The following LEPROTL1 variants were observed in gnomAD, a reference collection of about 807,000 sequenced individuals.
The protein encoded by LEPROTL1 is leptin receptor overlapping transcript like 1.
A neutral mutation model predicts 15.4 loss-of-function variants in LEPROTL1; 6 were observed. The observed-to-expected ratio is 0.39, with a 90% confidence interval of 0.21 to 0.77. LEPROTL1 has a LOEUF of 0.77. Ranked by LOEUF, LEPROTL1 falls within the 30% of genes least tolerant of loss-of-function variation. The pLI is 0.41. For synonymous variants in LEPROTL1, 56 were observed against 52.6 expected (o/e 1.06, Z -0.28); for missense variants, 128 against 158.1 (o/e 0.81, Z 1.02).
At chr8:30,130,617 C>T (rs983617685) in intron 3 of LEPROTL1, among the ~76,000 whole-genome samples, 1 of 152,040 alleles carries the variant, frequency 6.6e-6, no homozygotes, top group Non-Finnish European at 1.5e-5. Context: ...ATAGTGTTTA[C>T]TTCCTGTTAT....
chr8:30,106,348 T>C lies in LEPROTL1; in HGVS notation c.*486T>C, dbSNP rs1288615737. The C allele has an allele frequency of 2.5e-5, 25 of 986,460 alleles. No individual in the cohort carries two copies. Among genetic ancestry groups the C allele is most frequent in the Non-Finnish European group, 3.0e-5 (25 of 830,408 alleles). 61.1% of individuals were successfully genotyped at this position (986,460 alleles called of 1,614,324 possible). A position where few individuals can be genotyped will look rare whatever the true frequency, so the allele number is the denominator to read the frequency against. ...CAGGATGACATCACTCCCAATGTTATGCAGACATACAGACGGTTGGCATAC... is the reference window on the plus strand; with the variant it reads ...CAGGATGACATCACTCCCAATGTTACGCAGACATACAGACGGTTGGCATAC... On this transcript the variant is annotated 3_prime_UTR_variant, in exon 4 of 4. Transcript: ENST00000321250.
At chr8:30,113,851 CAAATT>C (rs1802692122) in intron 3 of LEPROTL1, among the ~76,000 whole-genome samples, 1 of 152,100 alleles carries the variant, frequency 6.6e-6, no homozygotes, top group African/African-American at 2.4e-5. Flanking sequence ...AGGAAGAAAA[CAAATT>C]CAGAGAACTC....
downstream of LEPROTL1, among the ~76,000 whole-genome samples, chr8:30,112,611 C>T (rs1802671923): frequency 6.6e-6 from 1 of 151,610 alleles, no homozygotes; most frequent in Admixed American, 6.6e-5. Context: ...GCACACATCA[C>T]AGCATAGGGG....
intron 3 of LEPROTL1, among the ~76,000 whole-genome samples, chr8:30,129,349 G>A (rs1355146252): frequency 1.3e-5 from 2 of 152,102 alleles, no homozygotes; most frequent in African/African-American, 4.8e-5. Context: ...TTCTAACTTA[G>A]TATTATCTTT....
downstream of LEPROTL1, among the ~76,000 whole-genome samples, chr8:30,112,707 C>T (rs185353260): frequency 1.3e-5 from 2 of 151,820 alleles, no homozygotes; most frequent in Non-Finnish European, 2.9e-5. Flanking sequence ...TTATTTAACC[C>T]GTGTCCCATT....
chr8:30,108,878 G>T (rs961099732), downstream of LEPROTL1, among the ~76,000 whole-genome samples: 2 of 151,910 alleles, frequency 1.3e-5, no homozygotes, highest in African/African-American at 4.8e-5. Flanking sequence ...TCGCCCTGCC[G>T]CTCAGCCTTC....
At chr8:30,117,434 C>A (rs575197726) in intron 3 of LEPROTL1, 224 of 1,534,446 alleles carry the variant, frequency 1.5e-4, no homozygotes, top group Non-Finnish European at 1.8e-4. Flanking sequence ...CATCTTGCTT[C>A]TTCATGGTCC....
At chr8:30,113,796 G>A (rs73574794) in intron 3 of LEPROTL1, among the ~76,000 whole-genome samples, 3,592 of 152,210 alleles carry the variant, frequency 0.024, 143 homozygotes, top group African/African-American at 0.082. Flanking sequence ...ATGGCTGGCC[G>A]TCCAGCCAGG....
chr8:30,095,619 G>C, intron 1 of LEPROTL1, 91 bp downstream of exon 1: 5 of 1,095,560 alleles, frequency 4.6e-6, no homozygotes, highest in East Asian at 3.3e-5. Context: ...TCCCCTCCGG[G>C]CTCGCGCGCG....
downstream of LEPROTL1, among the ~76,000 whole-genome samples, chr8:30,111,956 A>G (rs1563215764): frequency 6.6e-6 from 1 of 152,194 alleles, no homozygotes; most frequent in Non-Finnish European, 1.5e-5. Context: ...GGTGAGACTC[A>G]GGCTATATTT....
At position 30,107,732 on chromosome 8, in the gene LEPROTL1, T is replaced by G; in HGVS notation, c.*1870T>G. ...GCTGGTGAGACAGTTGGGAACTCTT[T>G]GTGCTTGTGATCTACTGGACTTTTT... On this transcript the variant is annotated 3_prime_UTR_variant, in exon 4 of 4. Coordinates refer to ENST00000321250, the MANE Select transcript of LEPROTL1 (RefSeq NM_015344.3). 1 of 971,886 alleles carries G rather than the reference T, an allele frequency of 1.0e-6. No individual in the cohort carries two copies. The highest frequency in any genetic ancestry group is 1.2e-4 in the East Asian group (1 of 8,400). 60.2% of individuals were successfully genotyped at this position (971,886 alleles called of 1,614,324 possible).
rs35105107 is a variant in LEPROTL1, at chr8:30,129,711, T to TCACACA, written c.280-2623_280-2618dup. On this transcript the variant is annotated intron_variant, in intron 3 of 4. Coordinates refer to the LEPROTL1 transcript ENST00000442880. ...GCCTGGGTGACAGAGTGAGACCCTG[T>TCACACA]CACACACACACACACACACACACAC... 1.4e-3 allele frequency among the ~76,000 whole-genome samples: 184 copies of TCACACA among 128,380 alleles called. 1 individual carries two copies. Among genetic ancestry groups the TCACACA allele is most frequent in the Middle Eastern group, 4.2e-3 (1 of 240 alleles). 84.2% of individuals were successfully genotyped at this position (128,380 alleles called of 152,430 possible).
At chr8:30,120,105 A>G (rs939737771) in intron 3 of LEPROTL1, among the ~76,000 whole-genome samples, 7 of 151,816 alleles carry the variant, frequency 4.6e-5, no homozygotes, top group African/African-American at 1.7e-4. Flanking sequence ...AAATAAATAA[A>G]TGTATGTTTT....
downstream of LEPROTL1, among the ~76,000 whole-genome samples, chr8:30,111,759 G>C (rs964486444): frequency 6.6e-6 from 1 of 152,170 alleles, no homozygotes; most frequent in African/African-American, 2.4e-5. Context: ...GAGGTCGGGT[G>C]GGGGGTGGTT....
chr8:30,132,082 A>G lies in LEPROTL1; in HGVS notation c.280-293A>G, dbSNP rs961626907. ...CTCCACAGCCAGCATGATGTAGGCA[A>G]TGATCAACTGGGTGTGGGCCCAGGT... On this transcript the variant is annotated intron_variant, in intron 3 of 4. Transcript: ENST00000442880. 1.4e-5 allele frequency: 22 copies of G among 1,551,682 alleles called. No homozygotes were observed. The East Asian group carries it at 5.1e-4, about 36-fold the overall frequency.
At chr8:30,115,191 C>T (rs1802718679) in intron 3 of LEPROTL1, among the ~76,000 whole-genome samples, 1 of 151,888 alleles carries the variant, frequency 6.6e-6, no homozygotes, top group South Asian at 2.1e-4. Flanking sequence ...TGATAAGCCT[C>T]ATCTCTATAA....
downstream of LEPROTL1, among the ~76,000 whole-genome samples, chr8:30,112,567 C>A (rs1802671414): frequency 6.6e-6 from 1 of 151,418 alleles, no homozygotes; most frequent in South Asian, 2.1e-4. Context: ...GCCTTTGTAA[C>A]CATTTTCTAA....
chr8:30,097,198 T>C (rs1802380006), intron 1 of LEPROTL1, among the ~76,000 whole-genome samples: 1 of 152,316 alleles, frequency 6.6e-6, no homozygotes, highest in Admixed American at 6.5e-5. Context: ...AGAAACAGCT[T>C]ATATACAAAT....
chr8:30,134,996 C>A (rs1803108346), intron 4 of LEPROTL1, among the ~76,000 whole-genome samples: 1 of 152,154 alleles, frequency 6.6e-6, no homozygotes, highest in Middle Eastern at 3.2e-3. Flanking sequence ...CCTCCCACCT[C>A]TCCCTCCTGA....
Sources: allele counts gnomAD v4.1 joint callset (sites outside exome capture counted in the v4.1 genomes callset), GRCh38; gene constraint gnomAD v4.1.1; transcripts MANE v1.5; gene names NCBI Gene and HGNC (gene_info 2026-07-23, HGNC 2026-07-21).